MTUS1: variants seen among roughly 807,000 people sequenced by gnomAD.
MTUS1 encodes the protein microtubule-associated tumor suppressor 1.
A neutral mutation model predicts 120.8 loss-of-function variants in MTUS1; 109 were observed. That is an observed-to-expected ratio of 0.90 (90% CI 0.77 to 1.06). The LOEUF (loss-of-function observed/expected upper bound fraction) is 1.06, where lower values mean the gene tolerates loss of function less well. Among genes scored for constraint, MTUS1 ranks in the 50% least tolerant of loss-of-function variants. The probability of loss-of-function intolerance (pLI) is 0.00; values close to 1 mark genes in which losing one functional copy is unlikely to be tolerated. For synonymous variants in MTUS1, 737 were observed against 550.5 expected (o/e 1.34, Z -4.74); for missense variants, 2,210 against 1,486.3 (o/e 1.49, Z -8.01).
intron 3 of MTUS1, among the ~76,000 whole-genome samples, chr8:17,736,568 T>TTTTTA (rs200400504): frequency 1.4e-4 from 21 of 152,200 alleles, no homozygotes; most frequent in East Asian, 1.2e-3. Flanking sequence ...CACTGCTTTA[T>TTTTTA]TTTTATTTTA....
chr8:17,794,228 T>C (rs1462043390), intron 1 of MTUS1, among the ~76,000 whole-genome samples: 1 of 151,950 alleles, frequency 6.6e-6, no homozygotes, highest in African/African-American at 2.4e-5. Flanking sequence ...CTCAGAAAGC[T>C]GAGGCAGGAG....
chr8:17,795,109 C>T (rs1418247541), intron 1 of MTUS1, among the ~76,000 whole-genome samples: 1 of 152,018 alleles, frequency 6.6e-6, no homozygotes, highest in Non-Finnish European at 1.5e-5. Flanking sequence ...TAAATAACAC[C>T]TGAGTTAAAT....
At chr8:17,747,341 C>T (rs2047839189) in intron 2 of MTUS1, among the ~76,000 whole-genome samples, 1 of 152,136 alleles carries the variant, frequency 6.6e-6, no homozygotes, top group Admixed American at 6.5e-5. Flanking sequence ...TGTGATGTCC[C>T]CTATAAGCCT....
At chr8:17,748,126 T>G (rs1481428868) in intron 2 of MTUS1, 2 of 152,076 alleles carry the variant, frequency 1.3e-5, no homozygotes, top group East Asian at 3.9e-4. Context: ...GAGTCTACTG[T>G]CATATCACCC....
intron 10 of MTUS1, chr8:17,654,355 G>C (rs980884591): frequency 1.7e-6 from 1 of 575,668 alleles, no homozygotes. Context: ...TTAACACAAG[G>C]CTGGCATTTG....
chr8:17,725,235 C>T (rs1346971670), intron 3 of MTUS1, among the ~76,000 whole-genome samples: 4 of 152,106 alleles, frequency 2.6e-5, no homozygotes, highest in African/African-American at 9.7e-5. Context: ...ACTAAGGATC[C>T]CATAAGTGAG....
At chr8:17,657,722 G>A (rs546328681) in intron 8 of MTUS1, among the ~76,000 whole-genome samples, 2 of 145,924 alleles carry the variant, frequency 1.4e-5, no homozygotes, top group Admixed American at 6.9e-5. Context: ...TGCTACTGAG[G>A]AGGCTGAGGT....
chr8:17,773,918 C>T (rs2050201333), intron 1 of MTUS1, among the ~76,000 whole-genome samples: 1 of 152,090 alleles, frequency 6.6e-6, no homozygotes, highest in South Asian at 2.1e-4. Context: ...CCAGGGCCCA[C>T]AGCACACTAT....
rs534484187 is a variant in MTUS1 at position 17,744,550 on chromosome 8, A to G, written c.2092-751T>C. On this transcript the variant is annotated intron_variant, in intron 2 of 14. Coordinates refer to ENST00000693296, the MANE Select transcript of MTUS1 (RefSeq NM_001363059.2). The stretch of plus-strand genomic sequence containing the variant: ...ATTCTCCTGCCTCAGCCTCCTGAGT[A>G]GCTGGGATTACGGGTGCACACCACC... Among the ~76,000 whole-genome samples the G allele has an allele frequency of 1.6e-3, 249 of 152,212 alleles. 1 individual carries two copies. The highest frequency in any genetic ancestry group is 5.9e-3 in the African/African-American group (244 of 41,538).
intron 8 of MTUS1, among the ~76,000 whole-genome samples, chr8:17,657,930 CAT>C (rs1366087513): frequency 1.3e-5 from 2 of 149,464 alleles, no homozygotes; most frequent in African/African-American, 2.5e-5. Flanking sequence ...TCTATGTGTA[CAT>C]GTGTATATAT....
intron 7 of MTUS1, among the ~76,000 whole-genome samples, chr8:17,683,905 G>C (rs1252413955): frequency 6.6e-6 from 1 of 152,166 alleles, no homozygotes; most frequent in Non-Finnish European, 1.5e-5. Flanking sequence ...ATATGATTCA[G>C]GGAGTTAACT....
At chr8:17,753,577 G>A in intron 2 of MTUS1, 140 bp downstream of exon 2, 1 of 606,082 alleles carries the variant, frequency 1.6e-6, no homozygotes. Flanking sequence ...GTACTGACAA[G>A]ACAATGAATT....
chr8:17,656,102 T>C, intron 8 of MTUS1, 37 bp from the exon 9 acceptor site: 2 of 1,591,630 alleles, frequency 1.3e-6, no homozygotes, highest in South Asian at 2.2e-5. Context: ...AAGAGGTCAT[T>C]TTATTTGTGA....
Position 17,755,208 on chromosome 8 carries a change from T to C in MTUS1, c.600A>G (p.Thr200=), listed in dbSNP as rs2048515094. 1.2e-6 allele frequency: 2 copies of C among 1,614,222 alleles called. No homozygotes were observed. The highest frequency in any genetic ancestry group is 1.1e-5 in the South Asian group (1 of 91,088). The change falls in exon 2 of 15, where the codon ACA becomes ACG. Residue 200 remains threonine, a synonymous_variant. Transcript: ENST00000693296. ...LPPTGRRSGS[T]SSLSYSTWTS... Reference sequence around the variant, plus strand: ...TCCAAGTGGAATAGGATAAAGAAGATGTACTTCCACTTCTCCTACCAGTTG... The same window carrying C: ...TCCAAGTGGAATAGGATAAAGAAGACGTACTTCCACTTCTCCTACCAGTTG...
At chr8:17,744,871 T>C (rs1194398057) in intron 2 of MTUS1, among the ~76,000 whole-genome samples, 1 of 152,076 alleles carries the variant, frequency 6.6e-6, no homozygotes, top group African/African-American at 2.4e-5. Flanking sequence ...CAGTAAATCT[T>C]TGAATCCACC....
At chr8:17,749,889 C>G (rs1179917632) in intron 2 of MTUS1, among the ~76,000 whole-genome samples, 1 of 152,144 alleles carries the variant, frequency 6.6e-6, no homozygotes, top group Non-Finnish European at 1.5e-5. Context: ...TCATGGGCCA[C>G]TGGTCACTCA....
At chr8:17,728,833 T>C (rs776262618) in intron 3 of MTUS1, among the ~76,000 whole-genome samples, 1 of 152,058 alleles carries the variant, frequency 6.6e-6, no homozygotes, top group Non-Finnish European at 1.5e-5. Flanking sequence ...CAGAACTTGA[T>C]TGTGTGGTAG....
At chr8:17,769,986 G>C in intron 1 of MTUS1, among the ~76,000 whole-genome samples, 1 of 151,352 alleles carries the variant, frequency 6.6e-6, no homozygotes, top group East Asian at 1.9e-4. Context: ...TGAGAAATAA[G>C]CAAGGTTCTA....
rs1429154214 is a variant in MTUS1, at chr8:17,756,103, T to C, written c.-154-142A>G. ...CAACTACTGATGTGGGTAACTGAGA[T>C]ATAATCAGGCAATCTATCACCGCTT... is the stretch of plus-strand genomic sequence containing the variant. On this transcript the variant is annotated intron_variant, in intron 1 of 14. Coordinates refer to ENST00000693296, the MANE Select transcript of MTUS1 (RefSeq NM_001363059.2). 1.3e-5 allele frequency: 4 copies of C among 301,088 alleles called. No homozygotes were observed. The Admixed American group carries it at 1.9e-4, about 14-fold the overall frequency. The allele number at this position is 301,088 out of a possible 1,614,324, so 18.7% of individuals were successfully genotyped here. A position where few individuals can be genotyped will look rare whatever the true frequency, so the allele number is the denominator to read the frequency against.
Sources: allele counts gnomAD v4.1 joint callset (sites outside exome capture counted in the v4.1 genomes callset), GRCh38; gene constraint gnomAD v4.1.1; transcripts MANE v1.5; gene names NCBI Gene and HGNC (gene_info 2026-07-23, HGNC 2026-07-21).